Variants in PCNX2 observed in about 807,000 individuals in gnomAD.
The protein encoded by PCNX2 is pecanex-like protein 2.
PCNX2 carries 168 observed loss-of-function variants against 223.8 expected under a neutral mutation model. The observed-to-expected ratio is 0.75, with a 90% CI of 0.66 to 0.85. The LOEUF (loss-of-function observed/expected upper bound fraction) is 0.85, where lower values mean the gene tolerates loss of function less well. Among genes scored for constraint, PCNX2 ranks in the 40% least tolerant of loss-of-function variants. PCNX2 has a pLI of 0.00. For synonymous variants in PCNX2, 1,006 were observed against 1,052.6 expected (o/e 0.96, Z 0.86); for missense variants, 2,507 against 2,675.5 (o/e 0.94, Z 1.39).
chr1:233,069,302 C>A (rs1160854157), intron 23 of PCNX2, among the ~76,000 whole-genome samples: 39 of 152,024 alleles, frequency 2.6e-4, no homozygotes, highest in Admixed American at 2.5e-3. Context: ...GATAAGAAGG[C>A]CAGACAGAAA....
At chr1:233,229,837 G>C (rs1657956939) in intron 9 of PCNX2, among the ~76,000 whole-genome samples, 1 of 151,190 alleles carries the variant, frequency 6.6e-6, no homozygotes, top group African/African-American at 2.4e-5. Flanking sequence ...ATGAAAAAAA[G>C]AAATGATTTC....
chr1:233,021,316 T>C (rs138864003), intron 26 of PCNX2, among the ~76,000 whole-genome samples: 2 of 152,320 alleles, frequency 1.3e-5, no homozygotes, highest in East Asian at 3.9e-4. Flanking sequence ...GTTAAGAACA[T>C]TCTTGTTTCT....
intron 33 of PCNX2, chr1:232,984,840 C>A: frequency 5.4e-6 from 1 of 184,168 alleles, no homozygotes. Context: ...GCAGGCTTGA[C>A]CCCAGTAGAA....
chr1:233,040,957 C>T (rs1460898007), intron 25 of PCNX2, among the ~76,000 whole-genome samples: 1 of 152,160 alleles, frequency 6.6e-6, no homozygotes, highest in Non-Finnish European at 1.5e-5. Flanking sequence ...TCTAATCGTT[C>T]AACTTCAACA....
chr1:233,149,544 T>G (rs1383277966), intron 19 of PCNX2, among the ~76,000 whole-genome samples: 2 of 152,204 alleles, frequency 1.3e-5, no homozygotes, highest in Non-Finnish European at 2.9e-5. Context: ...AATGAACACA[T>G]CTGTGCTGTT....
chr1:233,040,202 G>A (rs1232782025), intron 25 of PCNX2, among the ~76,000 whole-genome samples: 3 of 152,028 alleles, frequency 2.0e-5, no homozygotes, highest in Non-Finnish European at 4.4e-5. Flanking sequence ...GACGATTTCT[G>A]GAAAACAGAT....
At chr1:233,056,371 G>C (rs1183160473) in intron 24 of PCNX2, among the ~76,000 whole-genome samples, 1 of 152,204 alleles carries the variant, frequency 6.6e-6, no homozygotes, top group Non-Finnish European at 1.5e-5. Flanking sequence ...CCACACATTT[G>C]CATAATTAGA....
At chr1:233,152,879 C>T (rs926934219) in intron 19 of PCNX2, among the ~76,000 whole-genome samples, 4 of 152,112 alleles carry the variant, frequency 2.6e-5, no homozygotes, top group East Asian at 3.9e-4. Flanking sequence ...ATTTCTTCTT[C>T]GATTGATTTT....
upstream of PCNX2, chr1:233,295,856 T>C: frequency 4.5e-6 from 1 of 222,344 alleles, no homozygotes; most frequent in Non-Finnish European, 8.8e-6. The surrounding 1 kb of genome is among the most constrained non-coding windows in gnomAD (Gnocchi z 4.1). Context: ...CTCCAGCCTT[T>C]TCTTTCTCTC....
At chr1:233,266,899 A>G (rs969616234) in intron 1 of PCNX2, among the ~76,000 whole-genome samples, 5 of 152,184 alleles carry the variant, frequency 3.3e-5, no homozygotes, top group African/African-American at 1.2e-4. Flanking sequence ...TTCATGAAAA[A>G]CAACACACTG....
chr1:233,097,296 A>G (rs957048768), intron 21 of PCNX2, among the ~76,000 whole-genome samples: 25 of 151,900 alleles, frequency 1.6e-4, no homozygotes, highest in African/African-American at 5.6e-4. Context: ...AGACAGTGAG[A>G]GGGAAAGAAA....
In PCNX2 at chr1:232,998,380, C is replaced by T. The variant is rs376936506; in HGVS notation, c.5662G>A (p.Gly1888Arg). The T allele has an allele frequency of 2.4e-5, 39 of 1,613,154 alleles. No homozygotes were observed. The East Asian group carries it at 5.4e-4, about 22-fold the overall frequency. Residue 1888 changes from glycine to arginine, a missense_variant, in exon 32 of 34, where the codon GGA becomes AGA. By Grantham distance (125) the Gly-to-Arg change is moderately radical (BLOSUM62 -2). Coordinates refer to ENST00000258229, the MANE Select transcript of PCNX2 (RefSeq NM_014801.4). ...CCACCTGTCGTCGGGGCCCCTCCTC[C>T]GTCCACGTCTTCAATGTTGCCGCCA... is the stretch of plus-strand genomic sequence containing the variant. The part of the protein sequence containing the change: ...HSGGNIEDVD[G>R]GGAPTTGGNN...
chr1:233,161,803 C>A (rs1251569613), intron 17 of PCNX2, among the ~76,000 whole-genome samples: 1 of 151,990 alleles, frequency 6.6e-6, no homozygotes, highest in Non-Finnish European at 1.5e-5. Context: ...CTCTATGTGG[C>A]TTTAGGGTGT....
At chr1:233,007,260 C>T (rs1670316712) in intron 28 of PCNX2, among the ~76,000 whole-genome samples, 1 of 151,598 alleles carries the variant, frequency 6.6e-6, no homozygotes, top group Admixed American at 6.6e-5. Context: ...AGACACCTTC[C>T]ATTTGTATGG....
At chr1:233,167,863 C>T (rs1678892906) in intron 17 of PCNX2, 2 of 904,428 alleles carry the variant, frequency 2.2e-6, no homozygotes, top group Non-Finnish European at 2.6e-6. Flanking sequence ...AATGTATATA[C>T]CTTTCCACCT....
chr1:233,321,271 A>G, the PCNX2 span, among the ~76,000 whole-genome samples: 3 of 151,596 alleles, frequency 2.0e-5, no homozygotes, highest in East Asian at 5.8e-4. Flanking sequence ...TCAATGTACA[A>G]CTCAAAGAAT....
chr1:233,039,599 T>C (rs116441874), intron 25 of PCNX2, among the ~76,000 whole-genome samples: 3 of 152,182 alleles, frequency 2.0e-5, no homozygotes, highest in Non-Finnish European at 4.4e-5. Context: ...GAGAGTTACA[T>C]GAATAAGCCA....
rs1311731732 is a variant in PCNX2, at chr1:233,184,464, T to A, written c.3067-5289A>T. Among the ~76,000 whole-genome samples the A allele has an allele frequency of 2.6e-5, 4 of 152,198 alleles. No individual in the cohort carries two copies. In the East Asian group the frequency reaches 7.7e-4, roughly 29 times the overall value. On this transcript the variant is annotated intron_variant, in intron 15 of 33. Transcript: ENST00000258229. The stretch of plus-strand genomic sequence containing the variant: ...ATTGGAAAAGAAGGGGTACCCATGA[T>A]GGATGGTCTTTGCTGACAATAAATT...
At chr1:233,162,078 A>AG (rs1309911904) in intron 17 of PCNX2, among the ~76,000 whole-genome samples, 5 of 151,790 alleles carry the variant, frequency 3.3e-5, no homozygotes, top group Non-Finnish European at 7.4e-5. Context: ...TGAAATGTTC[A>AG]GTAACTCACT....
Sources: allele counts gnomAD v4.1 joint callset (sites outside exome capture counted in the v4.1 genomes callset), GRCh38; gene constraint gnomAD v4.1.1; non-coding constraint Gnocchi (gnomAD v3.1); transcripts MANE v1.5; gene names NCBI Gene and HGNC (gene_info 2026-07-23, HGNC 2026-07-21).